EPB41L4B: variants seen among roughly 807,000 people sequenced by gnomAD.
EPB41L4B encodes the protein erythrocyte membrane protein band 4.1 like 4B.
Under a neutral mutation model 112.5 loss-of-function variants are expected in EPB41L4B, and 30 were observed. The observed-to-expected ratio is 0.27, with a 90% CI of 0.20 to 0.36. The LOEUF is 0.36. Among genes scored for constraint, EPB41L4B ranks in the 10% least tolerant of loss-of-function variants. The pLI is 1.00. For synonymous variants in EPB41L4B, 408 were observed against 439.7 expected, an observed-to-expected ratio of 0.93 and a Z score of 0.90; for missense variants, 1,024 against 1,133.3, an observed-to-expected ratio of 0.90 and a Z score of 1.38.
chr9:109,278,493 TC>T (rs1835918803), intron 2 of EPB41L4B, among the ~76,000 whole-genome samples: 1 of 152,130 alleles, frequency 6.6e-6, no homozygotes, highest in African/African-American at 2.4e-5. Flanking sequence ...ATTTTGTACA[TC>T]TTCACCTTAC....
chr9:109,310,250 ACAAACCTG>A (rs938646338), intron 1 of EPB41L4B, among the ~76,000 whole-genome samples: 1 of 152,100 alleles, frequency 6.6e-6, no homozygotes, highest in African/African-American at 2.4e-5. Flanking sequence ...TATACAGCTC[ACAAACCTG>A]CAAAACTAAC....
intron 1 of EPB41L4B, among the ~76,000 whole-genome samples, chr9:109,304,092 A>G (rs1837081302): frequency 6.6e-6 from 1 of 152,186 alleles, no homozygotes; most frequent in Non-Finnish European, 1.5e-5. Context: ...ACTGTTTTGC[A>G]CTTCTGCTTC....
At chr9:109,180,676 G>C (rs1024915622) in intron 24 of EPB41L4B, among the ~76,000 whole-genome samples, 2 of 152,094 alleles carry the variant, frequency 1.3e-5, no homozygotes, top group African/African-American at 4.8e-5. Context: ...GCCATGTTGG[G>C]TAGTGGCCAT....
At chr9:109,223,499 T>C (rs1217456737) in intron 15 of EPB41L4B, among the ~76,000 whole-genome samples, 1 of 151,554 alleles carries the variant, frequency 6.6e-6, no homozygotes, top group East Asian at 1.9e-4. Flanking sequence ...ACCACCAGAA[T>C]TGTGACCAGT....
At chr9:109,241,852 A>T in intron 15 of EPB41L4B, 1 of 1,603,180 alleles carries the variant, frequency 6.2e-7, no homozygotes. Context: ...AGAATGGAAG[A>T]AAATGCAGAA....
In EPB41L4B at chr9:109,173,577, T is replaced by A. The variant is rs185862130; in HGVS notation, c.*977A>T. 3.3e-5 allele frequency: 5 copies of A among 152,712 alleles called. No individual in the cohort carries two copies. The highest frequency in any genetic ancestry group is 7.4e-5 in the Non-Finnish European group (5 of 68,018). The allele number at this position is 152,712 out of a possible 1,614,324, so 9.5% of individuals were successfully genotyped here. On this transcript the variant is annotated 3_prime_UTR_variant, in exon 26 of 26. Coordinates refer to ENST00000374566, the MANE Select transcript of EPB41L4B (RefSeq NM_019114.5). ...ATCTGTGTTGACAAGAGGAGACAAGTGTTAGGCCGAGAAGTAAAACAAAGG... is the reference window on the plus strand; with the variant it reads ...ATCTGTGTTGACAAGAGGAGACAAGAGTTAGGCCGAGAAGTAAAACAAAGG...
intron 1 of EPB41L4B, among the ~76,000 whole-genome samples, chr9:109,291,433 G>C (rs893138396): frequency 1.3e-5 from 2 of 152,160 alleles, no homozygotes; most frequent in African/African-American, 2.4e-5. Context: ...TTCCCACTTA[G>C]TCTGAAGGGC....
At chr9:109,248,142 G>A (rs1834631828) in intron 13 of EPB41L4B, among the ~76,000 whole-genome samples, 3 of 152,180 alleles carry the variant, frequency 2.0e-5, no homozygotes, top group South Asian at 4.2e-4. Context: ...GGCATTGCTG[G>A]GAGACCTCAC....
chr9:109,222,936 G>T (rs902030338), intron 15 of EPB41L4B, among the ~76,000 whole-genome samples: 2 of 152,140 alleles, frequency 1.3e-5, no homozygotes, highest in Admixed American at 1.3e-4. Context: ...TTTCTCAGGG[G>T]AAGACCCAGT....
At chr9:109,226,906 T>G (rs1833802062) in intron 15 of EPB41L4B, among the ~76,000 whole-genome samples, 1 of 151,542 alleles carries the variant, frequency 6.6e-6, no homozygotes, top group East Asian at 1.9e-4. Flanking sequence ...GGCACAATCA[T>G]AGCTCACTTG....
At chr9:109,282,111 C>T (rs1156930162) in intron 1 of EPB41L4B, among the ~76,000 whole-genome samples, 1 of 152,138 alleles carries the variant, frequency 6.6e-6, no homozygotes, top group Non-Finnish European at 1.5e-5. Context: ...ACCTAGGAAA[C>T]ATTATGCTAA....
chr9:109,270,737 A>C (rs1835579426), intron 2 of EPB41L4B, among the ~76,000 whole-genome samples: 1 of 152,216 alleles, frequency 6.6e-6, no homozygotes, highest in Non-Finnish European at 1.5e-5. Context: ...GAGTAGAACA[A>C]GTTTAGGCCT....
chr9:109,260,962 AG>A (rs1251100296), intron 6 of EPB41L4B, among the ~76,000 whole-genome samples: 1 of 152,188 alleles, frequency 6.6e-6, no homozygotes, highest in Non-Finnish European at 1.5e-5. Flanking sequence ...CAATGGCTTT[AG>A]GAGGAAACCT....
intron 13 of EPB41L4B, among the ~76,000 whole-genome samples, chr9:109,249,392 A>G (rs1006942749): frequency 7.3e-5 from 11 of 151,268 alleles, no homozygotes; most frequent in African/African-American, 2.7e-4. Flanking sequence ...CAGCAATCCT[A>G]CTCACCCTGG....
intron 20 of EPB41L4B, 108 bp from the exon 21 acceptor site, chr9:109,194,505 G>A (rs1588126604): frequency 1.6e-6 from 2 of 1,233,444 alleles, no homozygotes; most frequent in East Asian, 2.4e-5. Flanking sequence ...TGGGGATTGG[G>A]GGTTCCCAAA....
At chr9:109,242,274 G>C (rs1323215587) in intron 15 of EPB41L4B, among the ~76,000 whole-genome samples, 3 of 152,200 alleles carry the variant, frequency 2.0e-5, no homozygotes, top group Non-Finnish European at 4.4e-5. Context: ...GATCCAGTAG[G>C]TCTGGGGTGG....
At chr9:109,237,241 A>G (rs980820674) in intron 15 of EPB41L4B, among the ~76,000 whole-genome samples, 6 of 152,226 alleles carry the variant, frequency 3.9e-5, no homozygotes, top group African/African-American at 1.4e-4. Context: ...GAAATGGTAG[A>G]CCAATAAACG....
intron 1 of EPB41L4B, among the ~76,000 whole-genome samples, chr9:109,306,547 A>G (rs952446614): frequency 1.3e-5 from 2 of 152,224 alleles, no homozygotes; most frequent in Non-Finnish European, 2.9e-5. Context: ...TGGGAGGCGG[A>G]GGTTGCAGTG....
intron 1 of EPB41L4B, among the ~76,000 whole-genome samples, chr9:109,307,456 T>C (rs1390871536): frequency 2.0e-5 from 3 of 152,234 alleles, no homozygotes; most frequent in African/African-American, 7.2e-5. Context: ...GATGTGTCAC[T>C]GCTGGCTGTG....
Sources: allele counts gnomAD v4.1 joint callset (sites outside exome capture counted in the v4.1 genomes callset), GRCh38; gene constraint gnomAD v4.1.1; transcripts MANE v1.5; gene names NCBI Gene and HGNC (gene_info 2026-07-23, HGNC 2026-07-21).